The following LHFPL6 variants were observed in gnomAD, a reference collection of about 807,000 sequenced individuals.
LHFPL6 encodes LHFPL tetraspan subfamily member 6, also known as LHFPL tetraspan subfamily member 6 protein.
Under a neutral mutation model 20.6 loss-of-function variants are expected in LHFPL6, and 9 were observed. The ratio of observed to expected loss-of-function variants is 0.44; its 90% CI spans 0.26 to 0.76. LHFPL6 has a LOEUF of 0.76. Ranked by LOEUF, LHFPL6 falls within the 30% of genes least tolerant of loss-of-function variation. LHFPL6 has a pLI of 0.20. For missense variants in LHFPL6, 218 were observed against 253.5 expected (o/e 0.86, Z 0.95); for synonymous variants, 105 against 98.7 (o/e 1.06, Z -0.38).
At chr13:39,416,884 AT>A (rs1566106605) in intron 2 of LHFPL6, among the ~76,000 whole-genome samples, 1 of 152,228 alleles carries the variant, frequency 6.6e-6, no homozygotes, top group Non-Finnish European at 1.5e-5. Flanking sequence ...TACCATAGGC[AT>A]ATGAACATTT....
intron 2 of LHFPL6, among the ~76,000 whole-genome samples, chr13:39,495,604 T>C (rs1025093247): frequency 8.7e-4 from 58 of 67,036 alleles, no homozygotes; most frequent in African/African-American, 2.4e-3. Flanking sequence ...CATACTAGGC[T>C]TTTTTTTTTT....
intron 2 of LHFPL6, among the ~76,000 whole-genome samples, chr13:39,583,089 A>T (rs1872338333): frequency 6.6e-6 from 1 of 151,936 alleles, no homozygotes; most frequent in African/African-American, 2.4e-5. Context: ...GAGAAGAAAG[A>T]TATTATACAC....
chr13:39,510,792 A>G (rs1869669262), intron 2 of LHFPL6, among the ~76,000 whole-genome samples: 1 of 152,210 alleles, frequency 6.6e-6, no homozygotes, highest in East Asian at 1.9e-4. Flanking sequence ...ACAAAAAATA[A>G]TTGAAGAGGA....
In LHFPL6 at chr13:39,453,168, C is replaced by CT. The variant is rs553691743; in HGVS notation, c.386-74643dup. On this transcript the variant is annotated intron_variant, in intron 2 of 3. Transcript: ENST00000379589. ...CTGAGAGTTGAGGTCATTCTTGCCC[C>CT]TAATAGAATACATTTTCACTGGCTT... 1.4e-3 allele frequency among the ~76,000 whole-genome samples: 219 copies of CT among 152,256 alleles called. 3 individuals carry two copies. Among genetic ancestry groups the CT allele is most frequent in the Admixed American group, 0.013 (203 of 15,288 alleles).
chr13:39,426,332 T>C (rs1050138259), intron 2 of LHFPL6, among the ~76,000 whole-genome samples: 1 of 151,948 alleles, frequency 6.6e-6, no homozygotes, highest in Non-Finnish European at 1.5e-5. Flanking sequence ...GCGATTCTCC[T>C]GCCTCAGCCT....
intron 2 of LHFPL6, among the ~76,000 whole-genome samples, chr13:39,464,503 C>T (rs1872755155): frequency 1.3e-5 from 2 of 152,144 alleles, no homozygotes; most frequent in South Asian, 4.1e-4. Flanking sequence ...AGTTAACTCT[C>T]CATGAGAGAA....
chr13:39,474,182 C>T (rs1470523849), intron 2 of LHFPL6, among the ~76,000 whole-genome samples: 1 of 152,148 alleles, frequency 6.6e-6, no homozygotes, highest in Non-Finnish European at 1.5e-5. Context: ...TATTCTGTAG[C>T]TTCTGGTCTG....
chr13:39,556,147 T>C (rs143580297), intron 2 of LHFPL6, among the ~76,000 whole-genome samples: 29 of 152,096 alleles, frequency 1.9e-4, no homozygotes. Context: ...CGTGAGTCAA[T>C]AAAACGTCTT....
chr13:39,511,481 A>G (rs1869704262), intron 2 of LHFPL6, among the ~76,000 whole-genome samples: 1 of 144,210 alleles, frequency 6.9e-6, no homozygotes, highest in East Asian at 2.0e-4. Context: ...AAAAAAAAAA[A>G]AGACAGAAAA....
At chr13:39,545,517 T>C (rs1321559982) in intron 2 of LHFPL6, among the ~76,000 whole-genome samples, 1 of 151,912 alleles carries the variant, frequency 6.6e-6, no homozygotes, top group Non-Finnish European at 1.5e-5. Context: ...ATTACTAACC[T>C]CTCTCAGTTT....
At chr13:39,548,236 C>A (rs1390944351) in intron 2 of LHFPL6, among the ~76,000 whole-genome samples, 1 of 152,018 alleles carries the variant, frequency 6.6e-6, no homozygotes, top group Non-Finnish European at 1.5e-5. Context: ...ATAGAATATG[C>A]ATTGGGAATT....
intron 2 of LHFPL6, among the ~76,000 whole-genome samples, chr13:39,477,816 G>C (rs1300703038): frequency 6.6e-6 from 1 of 152,132 alleles, no homozygotes; most frequent in Non-Finnish European, 1.5e-5. Flanking sequence ...TCTTCGTATG[G>C]TTTATGTCAA....
chr13:39,419,597 T>C (rs1385768294), intron 2 of LHFPL6, among the ~76,000 whole-genome samples: 1 of 152,250 alleles, frequency 6.6e-6, no homozygotes, highest in Non-Finnish European at 1.5e-5. Flanking sequence ...ATATTCCTAA[T>C]TGAGCAAAGT....
At chr13:39,356,484 A>G (rs1182303512) in intron 3 of LHFPL6, among the ~76,000 whole-genome samples, 1 of 152,184 alleles carries the variant, frequency 6.6e-6, no homozygotes, top group Non-Finnish European at 1.5e-5. Context: ...GAAAAAACTA[A>G]CACCAAAGCA....
intron 2 of LHFPL6, among the ~76,000 whole-genome samples, chr13:39,562,814 G>C (rs1871583865): frequency 6.6e-6 from 1 of 151,512 alleles, no homozygotes; most frequent in South Asian, 2.1e-4. Flanking sequence ...GTAAGACACA[G>C]AAAAAGACCC....
rs779904928 is a variant in LHFPL6, at chr13:39,343,949, T to G, written c.590A>C (p.His197Pro). ...LACFSGKKQK[H>P]YPY ...GGTAGCTCCATCTCAGTATGGGTAG[T>G]GCTTCTGTTTCTTGCCCGAAAAGCA... Residue 197 changes from histidine (H) to proline (P), a missense_variant, in exon 4 of 4, where the codon CAC becomes CCC. By Grantham distance (77) the His-to-Pro change is moderately conservative (BLOSUM62 -2). Coordinates refer to ENST00000379589, the MANE Select transcript of LHFPL6 (RefSeq NM_005780.3). 1 of 1,613,798 alleles carries G rather than the reference T, an allele frequency of 6.2e-7. No homozygotes were observed. Among genetic ancestry groups the G allele is most frequent in the Admixed American group, 1.7e-5 (1 of 60,010 alleles).
chr13:39,394,829 A>T (rs992742043), intron 2 of LHFPL6, among the ~76,000 whole-genome samples: 1 of 152,188 alleles, frequency 6.6e-6, no homozygotes, highest in Non-Finnish European at 1.5e-5. Flanking sequence ...ACAGTTAGTA[A>T]AAGAATCAGA....
chr13:39,543,539 T>G (rs1233155534), intron 2 of LHFPL6, among the ~76,000 whole-genome samples: 1 of 152,192 alleles, frequency 6.6e-6, no homozygotes, highest in Non-Finnish European at 1.5e-5. Flanking sequence ...TGAAGTTTCT[T>G]TTACTTCGTC....
At chr13:39,476,842 T>A (rs1162570603) in intron 2 of LHFPL6, among the ~76,000 whole-genome samples, 1 of 152,192 alleles carries the variant, frequency 6.6e-6, no homozygotes, top group Non-Finnish European at 1.5e-5. Context: ...AAAAGCAGTG[T>A]CCCAGTTTAA....
Sources: gnomAD v4.1 joint callset for allele counts (sites outside exome capture counted in the v4.1 genomes callset) on GRCh38, gnomAD v4.1.1 for gene constraint, MANE v1.5 for transcripts, NCBI Gene and HGNC (gene_info 2026-07-23, HGNC 2026-07-21) for gene names.